Variants in PBX1 observed in about 807,000 individuals in gnomAD.
The protein encoded by PBX1 is PBX homeobox 1, also known as pre-B-cell leukemia transcription factor 1.
Under a neutral mutation model 53.4 loss-of-function variants are expected in PBX1, and 6 were observed. The ratio of observed to expected loss-of-function variants is 0.11; its 90% confidence interval spans 0.06 to 0.22. The LOEUF (loss-of-function observed/expected upper bound fraction) is 0.22. Among genes scored for constraint, PBX1 ranks in the 10% least tolerant of loss-of-function variants. The probability of loss-of-function intolerance (pLI) is 1.00; values close to 1 mark genes in which losing one functional copy is unlikely to be tolerated. For synonymous variants in PBX1, 204 were observed against 212.3 expected, an observed-to-expected ratio of 0.96 and a Z score of 0.34; for missense variants, 251 against 551.4, an observed-to-expected ratio of 0.46 and a Z score of 5.46.
chr1:164,803,544 G>A (rs921631603), intron 4 of PBX1, among the ~76,000 whole-genome samples: 7 of 152,142 alleles, frequency 4.6e-5, no homozygotes, highest in African/African-American at 1.7e-4. Context: ...AATCTGTGGC[G>A]GATGTTGTGG....
intron 2 of PBX1, among the ~76,000 whole-genome samples, chr1:164,633,607 T>A (rs1006203354): frequency 9.2e-5 from 14 of 152,216 alleles, no homozygotes; most frequent in Non-Finnish European, 1.9e-4. Context: ...CTGAATTACC[T>A]GAGCCTTTCC....
intron 2 of PBX1, among the ~76,000 whole-genome samples, chr1:164,691,160 AT>A (rs1662456895): frequency 6.6e-6 from 1 of 151,738 alleles, no homozygotes; most frequent in African/African-American, 2.4e-5. Flanking sequence ...GATTACAGGC[AT>A]GCACCACCAT....
intron 8 of PBX1, among the ~76,000 whole-genome samples, chr1:164,825,638 G>C (rs1449056577): frequency 6.6e-6 from 1 of 151,970 alleles, no homozygotes; most frequent in East Asian, 1.9e-4. Flanking sequence ...AAACTTTCCG[G>C]CTGATGTATA....
intron 2 of PBX1, among the ~76,000 whole-genome samples, chr1:164,784,470 C>T (rs760756532): frequency 9.9e-5 from 15 of 152,158 alleles, no homozygotes; most frequent in Non-Finnish European, 1.5e-4. Flanking sequence ...AGAAAATGCA[C>T]GTGACCAGAA....
At chr1:164,699,472 C>T (rs1662980441) in intron 2 of PBX1, among the ~76,000 whole-genome samples, 1 of 152,002 alleles carries the variant, frequency 6.6e-6, no homozygotes, top group African/African-American at 2.4e-5. Flanking sequence ...GACTCCTGCT[C>T]CAGAAAAGAT....
intron 2 of PBX1, among the ~76,000 whole-genome samples, chr1:164,750,104 C>A (rs11585314): frequency 7.0e-6 from 1 of 143,800 alleles, no homozygotes. Flanking sequence ...CTCCAAAAAT[C>A]GGAAGAAAAA....
chr1:164,854,419 C>T (rs1489024586), downstream of PBX1: 1 of 152,040 alleles, frequency 6.6e-6, no homozygotes, highest in East Asian at 1.9e-4. Flanking sequence ...AGCCTTCCTT[C>T]TGGAAACATC....
chr1:164,792,565 T>C lies in PBX1; in HGVS notation c.337T>C (p.Leu113=). 1 of 1,614,082 alleles carries C rather than the reference T, an allele frequency of 6.2e-7. No homozygotes were observed. Among genetic ancestry groups the C allele is most frequent in the Non-Finnish European group, 8.5e-7 (1 of 1,179,992 alleles). The part of the protein sequence containing the change: ...PQLMRLDNML[L]AEGVAGPEKG... ...GCTGATGCGGCTGGACAACATGCTG[T>C]TAGCGGAAGGCGTGGCGGGGCCTGA... is the stretch of plus-strand genomic sequence containing the variant. The change falls in exon 3 of 9, where the codon TTA becomes CTA. Residue 113 remains leucine, a synonymous_variant. Transcript: ENST00000420696.
chr1:164,874,301 T>C (rs1266766523), intron 2 of PBX1, among the ~76,000 whole-genome samples: 3 of 152,348 alleles, frequency 2.0e-5, no homozygotes, highest in South Asian at 4.1e-4. Context: ...TCAATGAGAC[T>C]TCGCTTCGCC....
intron 2 of PBX1, among the ~76,000 whole-genome samples, chr1:164,784,527 G>A (rs1166589958): frequency 6.6e-6 from 1 of 152,198 alleles, no homozygotes; most frequent in Admixed American, 6.5e-5. Flanking sequence ...AAAACTTGGT[G>A]TGTTTCTCTA....
intron 2 of PBX1, among the ~76,000 whole-genome samples, chr1:164,580,113 G>A (rs1230781003): frequency 6.6e-6 from 1 of 152,146 alleles, no homozygotes; most frequent in African/African-American, 2.4e-5. Flanking sequence ...ATAACAAATT[G>A]TCTGGCTCTA....
intron 8 of PBX1, among the ~76,000 whole-genome samples, chr1:164,826,670 A>C (rs1571482712): frequency 6.6e-6 from 1 of 152,138 alleles, no homozygotes; most frequent in South Asian, 2.1e-4. Flanking sequence ...CTCACAAAGT[A>C]CTGGGATTAT....
At chr1:164,584,687 A>G (rs1005912532) in intron 2 of PBX1, among the ~76,000 whole-genome samples, 1 of 152,096 alleles carries the variant, frequency 6.6e-6, no homozygotes, top group Non-Finnish European at 1.5e-5. Flanking sequence ...GAGGTGTGCA[A>G]GAGAGGACAC....
intron 2 of PBX1, among the ~76,000 whole-genome samples, chr1:164,584,967 T>C (rs1654858538): frequency 6.6e-6 from 1 of 152,172 alleles, no homozygotes; most frequent in African/African-American, 2.4e-5. Flanking sequence ...TCCCATCAGA[T>C]GAACCAAAAT....
intron 1 of PBX1, chr1:164,560,327 T>C (rs926156908): frequency 2.5e-6 from 1 of 398,716 alleles, no homozygotes; most frequent in Non-Finnish European, 4.4e-6. Flanking sequence ...AAAGCGGCCC[T>C]CGGCACTTTT....
At chr1:164,883,569 A>G (rs1672710319) in intron 2 of PBX1, among the ~76,000 whole-genome samples, 1 of 152,132 alleles carries the variant, frequency 6.6e-6, no homozygotes, top group Admixed American at 6.5e-5. Flanking sequence ...ACTATTTTGG[A>G]AATTTATTGA....
At chr1:164,864,572 T>C (rs1296765161) in intron 2 of PBX1, among the ~76,000 whole-genome samples, 1 of 152,158 alleles carries the variant, frequency 6.6e-6, no homozygotes, top group Non-Finnish European at 1.5e-5. Flanking sequence ...TAATGATACC[T>C]ATAAACTTCA....
intron 2 of PBX1, among the ~76,000 whole-genome samples, chr1:164,778,696 C>T (rs994952170): frequency 6.6e-6 from 1 of 151,718 alleles, no homozygotes; most frequent in Non-Finnish European, 1.5e-5. Context: ...ACATGTGTGT[C>T]GTTAGTAGTT....
At chr1:164,813,186 C>T (rs1261772642) in intron 6 of PBX1, 1 of 152,180 alleles carries the variant, frequency 6.6e-6, no homozygotes, top group Non-Finnish European at 1.5e-5. Context: ...GTTCCACAGA[C>T]TGATGTCTTC....
Sources: allele counts gnomAD v4.1 joint callset (sites outside exome capture counted in the v4.1 genomes callset), GRCh38; gene constraint gnomAD v4.1.1; transcripts MANE v1.5; gene names NCBI Gene and HGNC (gene_info 2026-07-23, HGNC 2026-07-21).